The following SRRM1 variants were observed in gnomAD, a reference collection of about 807,000 sequenced individuals.
SRRM1 encodes serine/arginine repetitive matrix protein 1.
In SRRM1, 19 loss-of-function variants were observed where a neutral mutation model predicts 110.2. The observed-to-expected ratio is 0.17, with a 90% confidence interval of 0.12 to 0.25. The LOEUF is 0.25. Ranked by LOEUF, SRRM1 falls within the 10% of genes least tolerant of loss-of-function variation. SRRM1 has a pLI of 1.00. For synonymous variants in SRRM1, 443 were observed against 414.9 expected (o/e 1.07, Z -0.82); for missense variants, 918 against 1,145.8 (o/e 0.80, Z 2.87).
intron 3 of SRRM1, chr1:24,647,405 C>T (rs1482482326): frequency 6.6e-6 from 1 of 152,464 alleles, no homozygotes; most frequent in African/African-American, 2.4e-5. Context: ...TGCATGTCAG[C>T]TAGTCATCAG....
At chr1:24,645,933 G>T (rs1351201807) in intron 1 of SRRM1, 51 bp from the exon 2 acceptor site, 1 of 1,492,020 alleles carries the variant, frequency 6.7e-7, no homozygotes, top group Non-Finnish European at 9.3e-7. Context: ...GTGATAAAAA[G>T]TAAGGATTTA....
At position 24,664,106 on chromosome 1, in the gene SRRM1, C is replaced by T. The variant is rs377202766; in HGVS notation, c.1628+1302C>T. Among the ~76,000 whole-genome samples, 6 of 150,584 alleles carry T rather than the reference C, an allele frequency of 4.0e-5. No individual in the cohort carries two copies. The South Asian group carries it at 1.3e-3, about 32-fold the overall frequency. On this transcript the variant is annotated intron_variant, in intron 12 of 16. Transcript: ENST00000323848. ...TGCTTTGTAGGTTCAAACGATTCTCCTGCCTCAGCCTCCTGAGTAGCTGGG... is the reference window on the plus strand; with the variant it reads ...TGCTTTGTAGGTTCAAACGATTCTCTTGCCTCAGCCTCCTGAGTAGCTGGG...
intron 3 of SRRM1, 175 bp from the exon 4 acceptor site, chr1:24,648,684 A>G (rs1228779991): frequency 3.6e-6 from 2 of 548,514 alleles, no homozygotes; most frequent in African/African-American, 3.8e-5. Context: ...TAGAGATTAT[A>G]TTGCTGAGAA....
intron 4 of SRRM1, 69 bp downstream of exon 4, chr1:24,649,098 A>G (rs971576447): frequency 4.3e-6 from 6 of 1,388,346 alleles, no homozygotes; most frequent in Non-Finnish European, 5.0e-6. Context: ...CACCTTAGGT[A>G]GTATATGACT....
chr1:24,646,910 A>G, intron 3 of SRRM1, 121 bp downstream of exon 3: 1 of 818,130 alleles, frequency 1.2e-6, no homozygotes, highest in Non-Finnish European at 1.8e-6. Flanking sequence ...TTTGTTGTGA[A>G]AAGAATTCAC....
intron 2 of SRRM1, 145 bp from the exon 3 acceptor site, chr1:24,646,522 C>CAAAAA (rs149061293): frequency 9.9e-6 from 4 of 404,176 alleles, no homozygotes; most frequent in East Asian, 9.7e-5. Flanking sequence ...GACTCTGTCT[C>CAAAAA]AAAAAAAAAA....
chr1:24,670,454 G>A (rs770168962), intron 15 of SRRM1, 139 bp downstream of exon 15: 11 of 902,300 alleles, frequency 1.2e-5, no homozygotes, highest in South Asian at 1.9e-5. Context: ...TCTGATCTTG[G>A]GCAGGTTTCT....
chr1:24,649,538 C>T (rs538043821), intron 4 of SRRM1, among the ~76,000 whole-genome samples: 2 of 152,190 alleles, frequency 1.3e-5, no homozygotes, highest in Admixed American at 6.5e-5. Flanking sequence ...AGACTTGTCT[C>T]GAACTCCTGA....
At chr1:24,660,338 C>A (rs1242215120) in intron 9 of SRRM1, among the ~76,000 whole-genome samples, 1 of 152,180 alleles carries the variant, frequency 6.6e-6, no homozygotes, top group African/African-American at 2.4e-5. Flanking sequence ...ATTTGAAAAT[C>A]ATTGTAGAAC....
chr1:24,666,960 C>A (rs774361363), intron 13 of SRRM1, 35 bp downstream of exon 13: 1 of 1,301,436 alleles, frequency 7.7e-7, no homozygotes, highest in Non-Finnish European at 1.1e-6. Context: ...GAGCATCTCC[C>A]CAACTCCCCC....
chr1:24,655,354 G>A (rs1038147642), intron 9 of SRRM1, among the ~76,000 whole-genome samples: 15 of 152,162 alleles, frequency 9.9e-5, no homozygotes, highest in African/African-American at 3.1e-4. Context: ...GTGGCATTGC[G>A]CAGGTGGAGA....
intron 9 of SRRM1, 133 bp downstream of exon 9, chr1:24,655,262 T>G: frequency 9.4e-7 from 1 of 1,068,096 alleles, no homozygotes; most frequent in Non-Finnish European, 1.3e-6. Flanking sequence ...TCTGTAGGTT[T>G]ACTTATAAGC....
chr1:24,652,527 G>GGAGAAC lies in SRRM1; in HGVS notation c.819_820insGAGAAC (p.Lys273_Thr274insGluAsn). 6.2e-7 allele frequency: 1 copy of GGAGAAC among 1,612,326 alleles called. No homozygotes were observed. Among genetic ancestry groups the GGAGAAC allele is most frequent in the Non-Finnish European group, 8.5e-7 (1 of 1,179,428 alleles). On this transcript the variant is annotated inframe_insertion, in exon 7 of 17. Transcript: ENST00000323848. Reference sequence around the variant, plus strand: ...CCAAAAAAGAAAAGGAGAAGGAGAAGACCCGACCACGATCTCGGTCACGCT... The same window carrying GGAGAAC: ...CCAAAAAAGAAAAGGAGAAGGAGAAGGAGAACACCCGACCACGATCTCGGTCACGCT...
chr1:24,649,216 C>T (rs1659157022), intron 4 of SRRM1, among the ~76,000 whole-genome samples, 187 bp downstream of exon 4: 1 of 152,152 alleles, frequency 6.6e-6, no homozygotes, highest in Admixed American at 6.5e-5. Flanking sequence ...ATGTCATTTT[C>T]CCAGTCTAGT....
Position 24,651,605 on chromosome 1 carries a change from TCTA to T in SRRM1, c.722_724del (p.Thr241del). Reference sequence around the variant, plus strand: ...AGAACCTTCAGTACAAGAGGCTACTTCTACTAGGCAAGTATATAAAAATTCATT... The same window carrying T: ...AGAACCTTCAGTACAAGAGGCTACTTCTAGGCAAGTATATAAAAATTCATT... On this transcript the variant is annotated inframe_deletion, in exon 6 of 17. Coordinates refer to ENST00000323848, the MANE Select transcript of SRRM1 (RefSeq NM_005839.4). 1.2e-6 allele frequency: 2 copies of T among 1,606,082 alleles called. No homozygotes were observed. The highest frequency in any genetic ancestry group is 1.7e-6 in the Non-Finnish European group (2 of 1,176,636).
At chr1:24,672,106 A>G (rs1571177705) in intron 16 of SRRM1, 76 bp from the exon 17 acceptor site, 2 of 1,151,812 alleles carry the variant, frequency 1.7e-6, no homozygotes, top group East Asian at 5.2e-5. Context: ...CCCCTCCCAC[A>G]CTTTGATTCT....
chr1:24,658,952 G>A (rs1211188092), intron 9 of SRRM1, among the ~76,000 whole-genome samples: 1 of 152,148 alleles, frequency 6.6e-6, no homozygotes, highest in African/African-American at 2.4e-5. Flanking sequence ...CCAGCACTTT[G>A]GGAGGCAGAG....
At chr1:24,646,955 A>T (rs562472567) in intron 3 of SRRM1, 166 bp downstream of exon 3, 1 of 512,536 alleles carries the variant, frequency 2.0e-6, no homozygotes, top group East Asian at 3.5e-5. Context: ...AAGTTTAGTG[A>T]AGGTGCATAG....
chr1:24,652,360 A>T, intron 6 of SRRM1, 74 bp from the exon 7 acceptor site: 1 of 1,070,292 alleles, frequency 9.3e-7, no homozygotes, highest in Non-Finnish European at 1.3e-6. Flanking sequence ...ATACTTTATT[A>T]CATCATTGTG....
Sources: gnomAD v4.1 joint callset for allele counts (sites outside exome capture counted in the v4.1 genomes callset) on GRCh38, gnomAD v4.1.1 for gene constraint, MANE v1.5 for transcripts, NCBI Gene and HGNC (gene_info 2026-07-23, HGNC 2026-07-21) for gene names.